Variants in SNTG1 observed in about 807,000 individuals in gnomAD.
SNTG1 encodes gamma-1-syntrophin.
Under a neutral mutation model 74.7 loss-of-function variants are expected in SNTG1, and 39 were observed. The ratio of observed to expected loss-of-function variants is 0.52; its 90% CI spans 0.40 to 0.68. The LOEUF (loss-of-function observed/expected upper bound fraction) is 0.68, where lower values mean the gene tolerates loss of function less well. SNTG1 is among the 30% of genes least tolerant of loss of function. The pLI, the probability that SNTG1 is intolerant of heterozygous loss-of-function variation, is 0.00. For synonymous variants in SNTG1, 254 were observed against 217.1 expected (o/e 1.17, Z -1.49); for missense variants, 685 against 609.5 (o/e 1.12, Z -1.30).
intron 1 of SNTG1, among the ~76,000 whole-genome samples, chr8:49,991,879 G>T (rs891109219): frequency 6.6e-6 from 1 of 152,128 alleles, no homozygotes; most frequent in East Asian, 1.9e-4. Context: ...AGATAGCTGT[G>T]ATGTTTGCAC....
intron 2 of SNTG1, among the ~76,000 whole-genome samples, chr8:50,336,261 A>G (rs1001035459): frequency 3.9e-5 from 6 of 152,218 alleles, no homozygotes; most frequent in South Asian, 2.1e-4. Flanking sequence ...ACTCTTTCCA[A>G]TTGAAAAGAT....
intron 15 of SNTG1, among the ~76,000 whole-genome samples, chr8:50,698,723 C>T (rs546198952): frequency 3.9e-5 from 6 of 152,176 alleles, no homozygotes; most frequent in Admixed American, 2.0e-4. Flanking sequence ...TCCAAGGTCT[C>T]GGGAAGTGCA....
chr8:50,674,111 A>T (rs896163383), intron 15 of SNTG1, among the ~76,000 whole-genome samples: 2 of 152,122 alleles, frequency 1.3e-5, no homozygotes, highest in Non-Finnish European at 2.9e-5. Flanking sequence ...ATCAATATTC[A>T]TCAGGGATAT....
intron 17 of SNTG1, among the ~76,000 whole-genome samples, chr8:50,750,926 A>C (rs145997898): frequency 1.3e-5 from 2 of 152,078 alleles, no homozygotes; most frequent in African/African-American, 4.8e-5. Context: ...GTATGCCCGT[A>C]TATGCTTTTA....
At chr8:50,780,100 T>A (rs1261729704) in intron 18 of SNTG1, among the ~76,000 whole-genome samples, 2 of 152,214 alleles carry the variant, frequency 1.3e-5, no homozygotes, top group South Asian at 2.1e-4. Context: ...CTGGATTTGG[T>A]TTGCCAGTAT....
intron 9 of SNTG1, among the ~76,000 whole-genome samples, chr8:50,507,276 T>C (rs977297984): frequency 6.6e-6 from 1 of 152,086 alleles, no homozygotes; most frequent in African/African-American, 2.4e-5. Context: ...ATCAGGAATA[T>C]TGGTTTGTAG....
At chr8:50,432,488 G>C (rs1386961442) in intron 4 of SNTG1, among the ~76,000 whole-genome samples, 1 of 151,910 alleles carries the variant, frequency 6.6e-6, no homozygotes, top group Non-Finnish European at 1.5e-5. Flanking sequence ...TATTGTACTG[G>C]TTATTATAGG....
At chr8:50,708,433 T>C (rs750959645) in intron 16 of SNTG1, 35 of 156,086 alleles carry the variant, frequency 2.2e-4, no homozygotes, top group Non-Finnish European at 3.7e-4. Context: ...CATGAGAATG[T>C]GGTTTAATAA....
At chr8:50,372,008 C>T (rs2092280626) in intron 2 of SNTG1, among the ~76,000 whole-genome samples, 1 of 152,072 alleles carries the variant, frequency 6.6e-6, no homozygotes, top group African/African-American at 2.4e-5. Flanking sequence ...GGAGTTTAAT[C>T]CACTTACATT....
intron 1 of SNTG1, among the ~76,000 whole-genome samples, chr8:50,132,335 A>G (rs1380765569): frequency 6.6e-6 from 1 of 152,104 alleles, no homozygotes; most frequent in Non-Finnish European, 1.5e-5. Flanking sequence ...AAATTGAAAC[A>G]TCCTAAATTT....
intron 2 of SNTG1, among the ~76,000 whole-genome samples, chr8:50,339,819 A>G (rs1376847991): frequency 6.6e-6 from 1 of 151,978 alleles, no homozygotes; most frequent in African/African-American, 2.4e-5. Context: ...GACTTCAAAT[A>G]TGACTGCTCT....
Position 50,530,271 on chromosome 8 carries a change from C to T in SNTG1, c.549+12C>T. The stretch of plus-strand genomic sequence containing the variant: ...ATCCCAACAATACAGTAAGATGACC[C>T]AGGCATAGCTCAGATTAATAAGGAG... On this transcript the variant is annotated intron_variant, in intron 10 of 18. Transcript: ENST00000642720. 2 of 1,612,050 alleles carry T rather than the reference C, an allele frequency of 1.2e-6. No homozygotes were observed. The highest frequency in any genetic ancestry group is 1.7e-5 in the Admixed American group (1 of 59,972).
At chr8:50,289,202 G>T (rs947101867) in intron 2 of SNTG1, among the ~76,000 whole-genome samples, 8 of 152,074 alleles carry the variant, frequency 5.3e-5, no homozygotes, top group Non-Finnish European at 7.4e-5. Flanking sequence ...GGAAAACACA[G>T]TAACATAAAA....
At chr8:50,136,509 A>G (rs995551363) in intron 1 of SNTG1, among the ~76,000 whole-genome samples, 2 of 152,070 alleles carry the variant, frequency 1.3e-5, no homozygotes, top group Non-Finnish European at 2.9e-5. Context: ...GTGATCAGTG[A>G]TGTTGAGCAT....
At chr8:50,302,213 T>C (rs2089682802) in intron 2 of SNTG1, among the ~76,000 whole-genome samples, 2 of 152,208 alleles carry the variant, frequency 1.3e-5, no homozygotes, top group Admixed American at 1.3e-4. Context: ...TATAGGTCTA[T>C]CCAGCTTTTA....
intron 4 of SNTG1, among the ~76,000 whole-genome samples, chr8:50,417,731 C>T (rs1223448955): frequency 6.6e-6 from 1 of 152,136 alleles, no homozygotes; most frequent in African/African-American, 2.4e-5. Context: ...CCCTTGCTTC[C>T]TCCTTCACTG....
chr8:49,918,752 G>A (rs1806265898), intron 1 of SNTG1, among the ~76,000 whole-genome samples: 1 of 151,912 alleles, frequency 6.6e-6, no homozygotes, highest in South Asian at 2.1e-4. Flanking sequence ...TGTTAATAGT[G>A]ACTGTGCCAA....
chr8:50,209,615 G>T (rs2084414874), intron 2 of SNTG1, among the ~76,000 whole-genome samples: 1 of 152,196 alleles, frequency 6.6e-6, no homozygotes, highest in African/African-American at 2.4e-5. Context: ...AACAGAGTCT[G>T]GAGTGGACCT....
chr8:50,655,918 T>C (rs977827324), intron 13 of SNTG1, among the ~76,000 whole-genome samples: 21 of 152,204 alleles, frequency 1.4e-4, no homozygotes, highest in African/African-American at 5.1e-4. Context: ...AGCTGAGCTC[T>C]GGTCTGCTGG....
Sources: allele counts gnomAD v4.1 joint callset (sites outside exome capture counted in the v4.1 genomes callset), GRCh38; gene constraint gnomAD v4.1.1; transcripts MANE v1.5; gene names NCBI Gene and HGNC (gene_info 2026-07-23, HGNC 2026-07-21).